GFOD1: variants seen among roughly 807,000 people sequenced by gnomAD.
GFOD1 encodes the protein Gfo/Idh/MocA-like oxidoreductase domain containing 1, also known as glucose-fructose oxidoreductase domain-containing protein 1.
In GFOD1, 9 loss-of-function variants were observed where a neutral mutation model predicts 25.4. That is an observed-to-expected ratio of 0.35 (90% CI 0.21 to 0.62). The LOEUF (loss-of-function observed/expected upper bound fraction) is 0.62. Among genes scored for constraint, GFOD1 ranks in the 20% least tolerant of loss-of-function variants. The probability of loss-of-function intolerance (pLI) is 0.72; values close to 1 mark genes in which losing one functional copy is unlikely to be tolerated. For missense variants in GFOD1, 403 were observed against 556.9 expected, an observed-to-expected ratio of 0.72 and a Z score of 2.78; for synonymous variants, 253 against 245.6, an observed-to-expected ratio of 1.03 and a Z score of -0.28.
chr6:13,431,008 C>T (rs931012306), intron 1 of GFOD1, among the ~76,000 whole-genome samples: 3 of 152,260 alleles, frequency 2.0e-5, no homozygotes, highest in Admixed American at 6.5e-5. Context: ...ATAAAGAAAG[C>T]AGTGAAGGCA....
At chr6:13,406,168 C>A (rs1785941322) in intron 1 of GFOD1, among the ~76,000 whole-genome samples, 1 of 152,192 alleles carries the variant, frequency 6.6e-6, no homozygotes, top group Non-Finnish European at 1.5e-5. Context: ...AACAAGGAAC[C>A]AGTAAAGTAC....
chr6:13,421,398 G>T (rs148797440), intron 1 of GFOD1, among the ~76,000 whole-genome samples: 1 of 152,222 alleles, frequency 6.6e-6, no homozygotes, highest in African/African-American at 2.4e-5. Context: ...GGAGGCTGAG[G>T]TTGGAAGACC....
At chr6:13,390,169 G>C (rs750160156) in intron 1 of GFOD1, among the ~76,000 whole-genome samples, 1 of 152,174 alleles carries the variant, frequency 6.6e-6, no homozygotes, top group Non-Finnish European at 1.5e-5. Context: ...TTAATCATAT[G>C]ACATCTGGAA....
chr6:13,419,197 G>A (rs938599162), intron 1 of GFOD1, among the ~76,000 whole-genome samples: 3 of 152,264 alleles, frequency 2.0e-5, no homozygotes, highest in African/African-American at 4.8e-5. Flanking sequence ...AGAGGTGAAC[G>A]TCTTCCAAAA....
intron 1 of GFOD1, among the ~76,000 whole-genome samples, chr6:13,438,221 A>G (rs1462864426): frequency 3.9e-5 from 6 of 152,212 alleles, no homozygotes; most frequent in Non-Finnish European, 1.5e-5. Context: ...CCAGCCCTGA[A>G]TACCCCCAGT....
chr6:13,480,747 G>A (rs764757246), intron 1 of GFOD1, among the ~76,000 whole-genome samples: 12 of 152,068 alleles, frequency 7.9e-5, no homozygotes, highest in Non-Finnish European at 1.6e-4. Context: ...TCCGTCTCCC[G>A]AAGTGCTGGG....
chr6:13,409,237 GGAGAGAA>G lies in GFOD1; in HGVS notation c.254-43582_254-43576del. On this transcript the variant is annotated intron_variant, in intron 1 of 1. Coordinates refer to ENST00000379287, the MANE Select transcript of GFOD1 (RefSeq NM_018988.4). ...AAAGAGAGAGAGAGGAAGGAAGGAA[GGAGAGAA>G]AGAGAGAAAGAGAGAGAGAGAGGGA... 1.4e-5 allele frequency among the ~76,000 whole-genome samples: 2 copies of G among 140,104 alleles called. 1 individual carries two copies. Among genetic ancestry groups the G allele is most frequent in the African/African-American group, 5.5e-5 (2 of 36,628 alleles). 91.9% of individuals were successfully genotyped at this position (140,104 alleles called of 152,430 possible). A position where few individuals can be genotyped will look rare whatever the true frequency, so the allele number is the denominator to read the frequency against.
In GFOD1 at chr6:13,411,939, C is replaced by T. The variant is rs567751729; in HGVS notation, c.254-46277G>A. The stretch of plus-strand genomic sequence containing the variant: ...TTGCTCTGCCTCTTTTTAGCTGTTG[C>T]GGTCAAATTACTCAGCGTCTTTGTG... On this transcript the variant is annotated intron_variant, in intron 1 of 1. Coordinates refer to ENST00000379287, the MANE Select transcript of GFOD1 (RefSeq NM_018988.4). 2.3e-4 allele frequency among the ~76,000 whole-genome samples: 35 copies of T among 152,302 alleles called. No homozygotes were observed. The South Asian group carries it at 6.8e-3, about 30-fold the overall frequency.
intron 1 of GFOD1, among the ~76,000 whole-genome samples, chr6:13,468,901 G>C (rs931555612): frequency 1.2e-4 from 18 of 152,066 alleles, no homozygotes; most frequent in African/African-American, 4.3e-4. Context: ...TAAGCATATG[G>C]GAGCCAGGCA....
chr6:13,407,815 G>T, intron 1 of GFOD1: 1 of 301,988 alleles, frequency 3.3e-6, no homozygotes, highest in Non-Finnish European at 4.9e-6. Flanking sequence ...GATTTCATCA[G>T]AAGAGAATTG....
rs1784965065 is a variant in GFOD1 at position 13,362,626 on chromosome 6, C to G, written c.*2117G>C. 1 of 152,234 alleles carries G rather than the reference C, an allele frequency of 6.6e-6. No homozygotes were observed. Among genetic ancestry groups the G allele is most frequent in the Non-Finnish European group, 1.5e-5 (1 of 68,056 alleles). The allele number at this position is 152,234 out of a possible 1,614,324, so 9.4% of individuals were successfully genotyped here. The stretch of plus-strand genomic sequence containing the variant: ...ACCATGAAGTCTGTCAGCAACAGGT[C>G]AGGGACCACAACAAACCACGCATGG... On this transcript the variant is annotated 3_prime_UTR_variant, in exon 2 of 2. Transcript: ENST00000379287.
chr6:13,429,577 A>T (rs1219319525), intron 1 of GFOD1, among the ~76,000 whole-genome samples: 1 of 152,144 alleles, frequency 6.6e-6, no homozygotes, highest in African/African-American at 2.4e-5. Context: ...AAACGTAGTC[A>T]GGTAGTGCCC....
chr6:13,426,812 T>C (rs1786360908), intron 1 of GFOD1, among the ~76,000 whole-genome samples: 2 of 152,190 alleles, frequency 1.3e-5, no homozygotes, highest in South Asian at 2.1e-4. Context: ...AGGTGTCGAC[T>C]TCTGCCCAGC....
At chr6:13,485,914 C>T (rs1426907613) in intron 1 of GFOD1, 1 of 542,214 alleles carries the variant, frequency 1.8e-6, no homozygotes, top group Non-Finnish European at 2.4e-6. Context: ...AGTTAAAACC[C>T]CCTGGTTTTA....
At chr6:13,438,280 A>C (rs1181286850) in intron 1 of GFOD1, among the ~76,000 whole-genome samples, 1 of 152,236 alleles carries the variant, frequency 6.6e-6, no homozygotes, top group African/African-American at 2.4e-5. Context: ...AGCTGTGTGC[A>C]TTGTGTTTAC....
At chr6:13,367,707 G>A (rs1354571996) in intron 1 of GFOD1, among the ~76,000 whole-genome samples, 1 of 151,720 alleles carries the variant, frequency 6.6e-6, no homozygotes, top group African/African-American at 2.4e-5. Context: ...CAAGAGTCAG[G>A]GAAGAAGAAA....
intron 1 of GFOD1, among the ~76,000 whole-genome samples, chr6:13,447,733 T>A: frequency 1.2e-5 from 1 of 80,240 alleles, no homozygotes. Context: ...AGAGCGAGAC[T>A]CCTTCTCAAA....
intron 1 of GFOD1, among the ~76,000 whole-genome samples, chr6:13,445,420 C>T (rs1265858520): frequency 2.0e-5 from 3 of 152,264 alleles, no homozygotes; most frequent in East Asian, 3.9e-4. Flanking sequence ...CTGAAGAGAC[C>T]AAGATCCAAT....
chr6:13,431,971 C>G (rs1252804575), intron 1 of GFOD1, among the ~76,000 whole-genome samples: 1 of 152,180 alleles, frequency 6.6e-6, no homozygotes, highest in Admixed American at 6.5e-5. Context: ...ACTAAGAGAC[C>G]ATTTCCTCAG....
Sources: allele counts gnomAD v4.1 joint callset (sites outside exome capture counted in the v4.1 genomes callset), GRCh38; gene constraint gnomAD v4.1.1; transcripts MANE v1.5; gene names NCBI Gene and HGNC (gene_info 2026-07-23, HGNC 2026-07-21).